Variants in PIK3C2G observed in about 807,000 individuals in gnomAD.
PIK3C2G encodes the protein phosphatidylinositol-4-phosphate 3-kinase catalytic subunit type 2 gamma, also known as phosphatidylinositol 3-kinase C2 domain-containing subunit gamma.
A neutral mutation model predicts 181.1 loss-of-function variants in PIK3C2G; 168 were observed. The observed-to-expected ratio is 0.93, with a 90% CI of 0.82 to 1.05. PIK3C2G has a LOEUF of 1.05. Among genes scored for constraint, PIK3C2G ranks in the 50% least tolerant of loss-of-function variants. PIK3C2G has a pLI of 0.00. For missense variants in PIK3C2G, 1,869 were observed against 1,732.8 expected, an observed-to-expected ratio of 1.08 and a Z score of -1.40; for synonymous variants, 573 against 592.2, an observed-to-expected ratio of 0.97 and a Z score of 0.47.
At chr12:18,713,213 G>C in the PIK3C2G span, among the ~76,000 whole-genome samples, 1 of 151,996 alleles carries the variant, frequency 6.6e-6, no homozygotes, top group African/African-American at 2.4e-5. Flanking sequence ...TTTCTCGCTA[G>C]TCAAATGTTT....
chr12:18,500,635 C>T (rs1186991679), intron 22 of PIK3C2G, among the ~76,000 whole-genome samples: 1 of 152,168 alleles, frequency 6.6e-6, no homozygotes, highest in Non-Finnish European at 1.5e-5. Flanking sequence ...TGAACCTTTA[C>T]CTCTACCTCA....
At chr12:18,359,149 C>G (rs1468906928) in intron 11 of PIK3C2G, among the ~76,000 whole-genome samples, 1 of 152,228 alleles carries the variant, frequency 6.6e-6, no homozygotes, top group Non-Finnish European at 1.5e-5. Context: ...ACTGCCAATT[C>G]TGAGATGTTT....
intron 14 of PIK3C2G, among the ~76,000 whole-genome samples, chr12:18,390,811 A>C (rs2138047025): frequency 6.6e-6 from 1 of 152,300 alleles, no homozygotes; most frequent in Non-Finnish European, 1.5e-5. Flanking sequence ...GTTAGCATTA[A>C]CCAAAAATGT....
At chr12:18,705,389 T>A in the PIK3C2G span, 1 of 1,532,762 alleles carries the variant, frequency 6.5e-7, no homozygotes, top group Non-Finnish European at 9.0e-7. Flanking sequence ...TATAAGTGCT[T>A]AATGTATTTT....
chr12:18,405,547 GC>G, intron 16 of PIK3C2G, among the ~76,000 whole-genome samples: 1 of 151,132 alleles, frequency 6.6e-6, no homozygotes, highest in East Asian at 2.0e-4. Flanking sequence ...ACAGTGCAAA[GC>G]AAGAAAAACC....
At chr12:18,370,984 C>T (rs1942015502) in intron 12 of PIK3C2G, among the ~76,000 whole-genome samples, 196 bp from the exon 13 acceptor site, 1 of 152,024 alleles carries the variant, frequency 6.6e-6, no homozygotes, top group Non-Finnish European at 1.5e-5. Flanking sequence ...TAATTTTCAT[C>T]GATTAACAAA....
chr12:18,577,015 T>C lies in PIK3C2G; in HGVS notation c.4011+9958T>C, dbSNP rs74068098. 3.0e-3 allele frequency among the ~76,000 whole-genome samples: 464 copies of C among 152,302 alleles called. 1 individual carries two copies. Among genetic ancestry groups the C allele is most frequent in the African/African-American group, 0.011 (439 of 41,556 alleles). On this transcript the variant is annotated intron_variant, in intron 29 of 32. Coordinates refer to ENST00000538779, the MANE Select transcript of PIK3C2G (RefSeq NM_001288772.2). ...ACTGCTGAAATTGTCAGGTTTGGGC[T>C]ATGTAAGCTGAGGCCAATAAGTGCA...
At chr12:18,427,525 A>G (rs1319282825) in intron 18 of PIK3C2G, among the ~76,000 whole-genome samples, 1 of 149,490 alleles carries the variant, frequency 6.7e-6, no homozygotes, top group Non-Finnish European at 1.5e-5. Flanking sequence ...AAAAAGTTTT[A>G]AAAGTATATT....
At chr12:18,723,493 G>C in the PIK3C2G span, 1 of 1,612,764 alleles carries the variant, frequency 6.2e-7, no homozygotes, top group Non-Finnish European at 8.5e-7. Flanking sequence ...TCGATAAATT[G>C]CTCTAAATTC....
chr12:18,660,718 T>C, the PIK3C2G span, among the ~76,000 whole-genome samples: 2 of 151,950 alleles, frequency 1.3e-5, no homozygotes, highest in African/African-American at 4.8e-5. Flanking sequence ...TCCAGAGACA[T>C]GATATTATTA....
chr12:18,357,639 A>G (rs917292263), intron 11 of PIK3C2G, among the ~76,000 whole-genome samples: 3 of 152,218 alleles, frequency 2.0e-5, no homozygotes, highest in Non-Finnish European at 4.4e-5. Flanking sequence ...TCTTTTAAAA[A>G]TTGTGGTAAA....
the PIK3C2G span, among the ~76,000 whole-genome samples, chr12:18,697,867 A>C: frequency 2.1e-5 from 3 of 140,822 alleles, no homozygotes; most frequent in African/African-American, 8.4e-5. Context: ...ACCTTTGCAG[A>C]CATCATTGAT....
At chr12:18,535,614 GA>G (rs1256971363) in intron 24 of PIK3C2G, among the ~76,000 whole-genome samples, 1 of 152,022 alleles carries the variant, frequency 6.6e-6, no homozygotes, top group African/African-American at 2.4e-5. Context: ...CATATTAGGA[GA>G]AAAAGTTTCA....
chr12:18,268,971 G>A (rs76516038), intron 1 of PIK3C2G, among the ~76,000 whole-genome samples: 9,054 of 151,880 alleles, frequency 0.06, 879 homozygotes, highest in East Asian at 0.48. Flanking sequence ...CTGGAGTGCA[G>A]TGGTGCATAT....
In PIK3C2G at chr12:18,440,797, G is replaced by C. The variant is rs562986785; in HGVS notation, c.2504+16758G>C. ...TAGCTTTAATCCAAATGATTAGAGGGCTCTGAGAAGATGAAAGGCACAATT... is the reference window on the plus strand; with the variant it reads ...TAGCTTTAATCCAAATGATTAGAGGCCTCTGAGAAGATGAAAGGCACAATT... On this transcript the variant is annotated intron_variant, in intron 18 of 32. Transcript: ENST00000538779. Among the ~76,000 whole-genome samples, 11 of 152,148 alleles carry C rather than the reference G, an allele frequency of 7.2e-5. No homozygotes were observed. The South Asian group carries it at 2.1e-3, about 29-fold the overall frequency.
chr12:18,647,077 G>T (rs1950177414), intron 32 of PIK3C2G, among the ~76,000 whole-genome samples: 1 of 148,422 alleles, frequency 6.7e-6, no homozygotes, highest in South Asian at 2.1e-4. Context: ...CTTCCTTTTT[G>T]GTATTTTTTT....
intron 5 of PIK3C2G, among the ~76,000 whole-genome samples, chr12:18,303,139 T>TTCTTTCTTTCTTTC (rs1555153609): frequency 7.8e-5 from 10 of 128,658 alleles, no homozygotes; most frequent in African/African-American, 3.0e-4. Context: ...TCTTTCTTTC[T>TTCTTTCTTTCTTTC]TTTCTTTTCT....
chr12:18,431,077 G>C (rs1166157151), intron 18 of PIK3C2G, among the ~76,000 whole-genome samples: 1 of 151,990 alleles, frequency 6.6e-6, no homozygotes, highest in Non-Finnish European at 1.5e-5. Context: ...AGTCACAGTT[G>C]TCTCTCTCAC....
At chr12:18,588,285 A>G (rs1023420583) in intron 29 of PIK3C2G, among the ~76,000 whole-genome samples, 1 of 152,172 alleles carries the variant, frequency 6.6e-6, no homozygotes, top group Non-Finnish European at 1.5e-5. Context: ...TCTGCACAGC[A>G]AAAGAAATAA....
Sources: allele counts gnomAD v4.1 joint callset (sites outside exome capture counted in the v4.1 genomes callset), GRCh38; gene constraint gnomAD v4.1.1; transcripts MANE v1.5; gene names NCBI Gene and HGNC (gene_info 2026-07-23, HGNC 2026-07-21).